RFX3: variants seen among roughly 807,000 people sequenced by gnomAD.
RFX3 encodes regulatory factor X3, also known as transcription factor RFX3.
RFX3 carries 14 observed loss-of-function variants against 98.6 expected under a neutral mutation model. That is an observed-to-expected ratio of 0.14 (90% CI 0.09 to 0.22). The LOEUF is 0.22. RFX3 is among the 10% of genes least tolerant of loss of function. RFX3 has a pLI of 1.00. For synonymous variants in RFX3, 383 were observed against 328.4 expected, an observed-to-expected ratio of 1.17 and a Z score of -1.80; for missense variants, 639 against 926.9, an observed-to-expected ratio of 0.69 and a Z score of 4.03.
At chr9:3,348,182 T>C (rs1034546432) in intron 2 of RFX3, among the ~76,000 whole-genome samples, 2 of 152,214 alleles carry the variant, frequency 1.3e-5, no homozygotes, top group African/African-American at 4.8e-5. Flanking sequence ...GCATCTAGAC[T>C]GATAAACAGC....
chr9:3,282,775 G>A (rs536426893), intron 7 of RFX3, among the ~76,000 whole-genome samples: 1 of 151,826 alleles, frequency 6.6e-6, no homozygotes, highest in South Asian at 2.1e-4. Flanking sequence ...GGCTCCATCT[G>A]ATGCCAAGAG....
At chr9:3,249,548 ATACAC>A (rs1222728184) in intron 14 of RFX3, among the ~76,000 whole-genome samples, 2 of 152,160 alleles carry the variant, frequency 1.3e-5, no homozygotes, top group Non-Finnish European at 1.5e-5. Flanking sequence ...TGTGATTATA[ATACAC>A]AGAATAGGAG....
chr9:3,340,925 A>T (rs1833814125), intron 3 of RFX3, among the ~76,000 whole-genome samples: 1 of 152,208 alleles, frequency 6.6e-6, no homozygotes, highest in Non-Finnish European at 1.5e-5. Flanking sequence ...AAGGATTATA[A>T]ATCATGCTGC....
chr9:3,431,052 T>G (rs1384090103), intron 1 of RFX3, among the ~76,000 whole-genome samples: 4 of 152,164 alleles, frequency 2.6e-5, no homozygotes, highest in Non-Finnish European at 5.9e-5. Context: ...CTGCATAAAA[T>G]TAACTATAAT....
intron 1 of RFX3, among the ~76,000 whole-genome samples, chr9:3,440,351 A>G (rs1845508938): frequency 6.6e-6 from 1 of 152,088 alleles, no homozygotes; most frequent in South Asian, 2.1e-4. Flanking sequence ...ACAGAAAGTT[A>G]GCATCTATAA....
chr9:3,469,730 A>G (rs1848606148), intron 1 of RFX3, among the ~76,000 whole-genome samples: 1 of 152,142 alleles, frequency 6.6e-6, no homozygotes. Flanking sequence ...CAATGAAAGA[A>G]AAACAGGACA....
intron 1 of RFX3, among the ~76,000 whole-genome samples, chr9:3,406,998 C>T (rs556828957): frequency 3.3e-5 from 5 of 152,278 alleles, no homozygotes; most frequent in Admixed American, 1.3e-4. Flanking sequence ...ACATCTGATT[C>T]GCTGAATTGT....
chr9:3,487,453 T>C (rs1171319945), intron 1 of RFX3, among the ~76,000 whole-genome samples: 1 of 152,206 alleles, frequency 6.6e-6, no homozygotes, highest in East Asian at 1.9e-4. Flanking sequence ...ATATCCTGTG[T>C]ACAGTATTAA....
chr9:3,502,151 C>T (rs913572000), intron 1 of RFX3, among the ~76,000 whole-genome samples: 13 of 150,506 alleles, frequency 8.6e-5, no homozygotes, highest in African/African-American at 2.9e-4. Context: ...CCCAGCTACT[C>T]GAGAAGCTGA....
chr9:3,291,226 G>A (rs10971155), intron 6 of RFX3, among the ~76,000 whole-genome samples: 6,012 of 151,982 alleles, frequency 0.04, 364 homozygotes, highest in African/African-American at 0.14. Context: ...TTATCTGGGC[G>A]TGGTGGAGTG....
At chr9:3,242,961 A>G (rs1820155847) in intron 15 of RFX3, among the ~76,000 whole-genome samples, 1 of 151,948 alleles carries the variant, frequency 6.6e-6, no homozygotes, top group African/African-American at 2.4e-5. Flanking sequence ...ATAGATTATT[A>G]AAAGGTTTGT....
At chr9:3,507,288 T>A (rs1339443500) in intron 1 of RFX3, among the ~76,000 whole-genome samples, 1 of 151,806 alleles carries the variant, frequency 6.6e-6, no homozygotes, top group Non-Finnish European at 1.5e-5. Context: ...CACATTCTAA[T>A]AGAATAAAGG....
rs761735099 is a variant in RFX3, at chr9:3,309,411, T to G, written c.475-7791A>C. Reference sequence around the variant, plus strand: ...GTGGCCTAAAACTCAGGCTGAAAACTTCCCCAATCACCAAGATGCTAATGC... The same window carrying G: ...GTGGCCTAAAACTCAGGCTGAAAACGTCCCCAATCACCAAGATGCTAATGC... On this transcript the variant is annotated intron_variant, in intron 4 of 16. Coordinates refer to ENST00000617270, the MANE Select transcript of RFX3 (RefSeq NM_001282116.2). Among the ~76,000 whole-genome samples the G allele has an allele frequency of 7.9e-5, 12 of 152,132 alleles. No homozygotes were observed. The South Asian group carries it at 2.3e-3, about 29-fold the overall frequency.
intron 10 of RFX3, 169 bp from the exon 11 acceptor site, chr9:3,270,694 A>G: frequency 2.9e-6 from 2 of 697,140 alleles, no homozygotes; most frequent in Admixed American, 2.9e-5. Flanking sequence ...AGACAGATAT[A>G]TAAAACACTC....
At chr9:3,330,199 GA>G in intron 4 of RFX3, 59 bp downstream of exon 4, 1 of 1,548,564 alleles carries the variant, frequency 6.5e-7, no homozygotes, top group Non-Finnish European at 8.8e-7. Context: ...TCTATCAAAG[GA>G]AATGTTCATT....
intron 2 of RFX3, among the ~76,000 whole-genome samples, chr9:3,371,679 G>A (rs191914778): frequency 1.8e-4 from 28 of 152,212 alleles, no homozygotes; most frequent in Middle Eastern, 3.4e-3. Flanking sequence ...GTCCAAGAAA[G>A]AGTAACATAA....
chr9:3,337,069 T>C (rs1833277055), intron 3 of RFX3, among the ~76,000 whole-genome samples: 1 of 152,058 alleles, frequency 6.6e-6, no homozygotes, highest in Non-Finnish European at 1.5e-5. Flanking sequence ...GGGATAGTGG[T>C]AAAGGCCTTA....
chr9:3,509,970 C>G (rs954897722), intron 1 of RFX3, among the ~76,000 whole-genome samples: 4 of 151,864 alleles, frequency 2.6e-5, no homozygotes, highest in African/African-American at 9.7e-5. Flanking sequence ...GATAACTTCC[C>G]AAGTCCATTC....
intron 1 of RFX3, among the ~76,000 whole-genome samples, chr9:3,417,953 C>T (rs1186309855): frequency 2.0e-5 from 3 of 152,120 alleles, no homozygotes; most frequent in South Asian, 2.1e-4. Flanking sequence ...TCTTTAAATG[C>T]CTATTTTCAC....
Sources: allele counts gnomAD v4.1 joint callset (sites outside exome capture counted in the v4.1 genomes callset), GRCh38; gene constraint gnomAD v4.1.1; transcripts MANE v1.5; gene names NCBI Gene and HGNC (gene_info 2026-07-23, HGNC 2026-07-21).